The following ZYG11A variants were observed in gnomAD, a reference collection of about 807,000 sequenced individuals.
ZYG11A encodes protein zyg-11 homolog A.
Under a neutral mutation model 77.2 loss-of-function variants are expected in ZYG11A, and 62 were observed. That is an observed-to-expected ratio of 0.80 (90% CI 0.65 to 0.99). ZYG11A has a LOEUF of 0.99. Ranked by LOEUF, ZYG11A falls within the 50% of genes least tolerant of loss-of-function variation. ZYG11A has a pLI of 0.00. For missense variants in ZYG11A, 828 were observed against 896.8 expected (o/e 0.92, Z 0.98); for synonymous variants, 315 against 324.6 (o/e 0.97, Z 0.32).
intron 8 of ZYG11A, among the ~76,000 whole-genome samples, chr1:52,874,364 C>T (rs1646225282): frequency 6.6e-6 from 1 of 152,148 alleles, no homozygotes; most frequent in Admixed American, 6.5e-5. Context: ...CCTGCCTCAG[C>T]CTCCTGAGTG....
chr1:52,852,841 C>A (rs1050274450), intron 1 of ZYG11A, among the ~76,000 whole-genome samples: 1 of 152,070 alleles, frequency 6.6e-6, no homozygotes, highest in Non-Finnish European at 1.5e-5. Context: ...AGCCTACAGT[C>A]GAGGAAAATC....
intron 3 of ZYG11A, among the ~76,000 whole-genome samples, chr1:52,859,266 C>T (rs1034391911): frequency 2.0e-5 from 3 of 151,970 alleles, no homozygotes; most frequent in African/African-American, 7.3e-5. Context: ...TCTCTTCCCC[C>T]CTTGGATAAA....
At chr1:52,846,363 TA>T (rs1645584648) in intron 1 of ZYG11A, among the ~76,000 whole-genome samples, 4 of 121,426 alleles carry the variant, frequency 3.3e-5, no homozygotes, top group Admixed American at 8.9e-5. Context: ...TATATATATA[TA>T]TATTTTGAAA....
At position 52,857,506 on chromosome 1, in the gene ZYG11A, T is replaced by G; in HGVS notation, c.765T>G (p.Leu255=). The change falls in exon 3 of 14, where the codon CTT becomes CTG. Residue 255 remains leucine, a synonymous_variant. Transcript: ENST00000371528. ...KSQILAVIRE[L]KCLLHLDISD... is the part of the protein sequence containing the mutation. ...AAATTCTTGCAGTCATTAGAGAACT[T>G]AAATGTCTGCTTCACCTTGATATTT... is the stretch of plus-strand genomic sequence containing the variant. 6.4e-7 allele frequency: 1 copy of G among 1,552,206 alleles called. No individual in the cohort carries two copies. Among genetic ancestry groups the G allele is most frequent in the Non-Finnish European group, 8.7e-7 (1 of 1,147,102 alleles).
intron 3 of ZYG11A, 143 bp downstream of exon 3, chr1:52,857,892 T>C (rs143602347): frequency 1.0e-5 from 6 of 594,662 alleles, no homozygotes; most frequent in Non-Finnish European, 1.7e-5. Context: ...AATTAATGAT[T>C]ATTATGTACC....
intron 11 of ZYG11A, among the ~76,000 whole-genome samples, chr1:52,884,389 G>A (rs541416328): frequency 6.6e-6 from 1 of 152,068 alleles, no homozygotes; most frequent in Admixed American, 6.5e-5. Context: ...CCAGCTACTC[G>A]GGAGGCTGAG....
At chr1:52,846,934 G>A (rs1645597965) in intron 1 of ZYG11A, among the ~76,000 whole-genome samples, 1 of 149,980 alleles carries the variant, frequency 6.7e-6, no homozygotes, top group African/African-American at 2.5e-5. Context: ...TGCAAGCTCC[G>A]CCTCCCGGGT....
At chr1:52,871,335 T>A (rs1334584571) in intron 8 of ZYG11A, among the ~76,000 whole-genome samples, 2 of 152,086 alleles carry the variant, frequency 1.3e-5, no homozygotes, top group Non-Finnish European at 2.9e-5. Context: ...TTCTTTGGAA[T>A]TTTTTTGAGA....
At chr1:52,877,565 AGTGGCAGAACTT>A (rs1319235935) in intron 8 of ZYG11A, 105 bp from the exon 9 acceptor site, 8 of 719,906 alleles carry the variant, frequency 1.1e-5, no homozygotes, top group Non-Finnish European at 1.8e-5. Flanking sequence ...ACAGCTACTA[AGTGGCAGAACTT>A]GGGTTTAGAA....
chr1:52,890,408 G>C (rs1646525375), intron 13 of ZYG11A, among the ~76,000 whole-genome samples: 1 of 150,198 alleles, frequency 6.7e-6, no homozygotes. Context: ...CTAATTTTTT[G>C]TGTATTTTTA....
chr1:52,847,441 C>T (rs944649086), intron 1 of ZYG11A, among the ~76,000 whole-genome samples: 22 of 151,744 alleles, frequency 1.4e-4, no homozygotes, highest in Middle Eastern at 3.4e-3. Context: ...CTCAGGTGAT[C>T]GGCCCGCCTT....
At position 52,867,694 on chromosome 1, in the gene ZYG11A, A is replaced by G. The variant is rs763495342; in HGVS notation, c.1492-33A>G. ...TCTCTCTAGTTTTTATACAGGTTCC[A>G]TAGTTCACTTGAGCCTTTCTGTTTG... On this transcript the variant is annotated intron_variant, in intron 7 of 13. Coordinates refer to ENST00000371528, the MANE Select transcript of ZYG11A (RefSeq NM_001004339.3). 561 of 1,551,322 alleles carry G rather than the reference A, an allele frequency of 3.6e-4. 3 individuals carry two copies. The highest frequency in any genetic ancestry group is 2.6e-5 in the Non-Finnish European group (30 of 1,146,686).
intron 8 of ZYG11A, among the ~76,000 whole-genome samples, chr1:52,871,479 T>C (rs1353937148): frequency 6.6e-6 from 1 of 152,012 alleles, no homozygotes; most frequent in Non-Finnish European, 1.5e-5. Context: ...TTTGCATGTC[T>C]GTCTACTCAC....
chr1:52,882,068 T>G lies in ZYG11A; in HGVS notation c.1944+403T>G, dbSNP rs188152260. Among the ~76,000 whole-genome samples the G allele has an allele frequency of 5.2e-3, 794 of 152,268 alleles. 8 individuals carry two copies. Among genetic ancestry groups the G allele is most frequent in the African/African-American group, 0.019 (773 of 41,552 alleles). ...TGCCACCACACCCAGCTAATTTTTG[T>G]ATTTTTTGTAGATGGGGTTTTGCCA... On this transcript the variant is annotated intron_variant, in intron 11 of 13. Transcript: ENST00000371528.
intron 2 of ZYG11A, among the ~76,000 whole-genome samples, chr1:52,855,564 T>C (rs564112442): frequency 6.6e-6 from 1 of 152,282 alleles, no homozygotes; most frequent in South Asian, 2.1e-4. Context: ...TTTATTTCCC[T>C]TTTCCCGCAT....
intron 10 of ZYG11A, among the ~76,000 whole-genome samples, chr1:52,880,750 G>A (rs1209441108): frequency 6.6e-6 from 1 of 152,140 alleles, no homozygotes; most frequent in Non-Finnish European, 1.5e-5. Flanking sequence ...GAATCACTCA[G>A]TCCTGCAGCC....
intron 8 of ZYG11A, among the ~76,000 whole-genome samples, chr1:52,868,886 C>T (rs545983210): frequency 9.2e-5 from 14 of 152,072 alleles, no homozygotes; most frequent in Admixed American, 2.6e-4. Flanking sequence ...CTCATGCTAG[C>T]GTGCAATGGT....
intron 8 of ZYG11A, among the ~76,000 whole-genome samples, chr1:52,869,953 G>GC (rs1246697792): frequency 2.8e-5 from 4 of 143,546 alleles, no homozygotes; most frequent in Non-Finnish European, 4.6e-5. Context: ...GGCTGGCCGG[G>GC]CGGGGGGCTG....
intron 8 of ZYG11A, among the ~76,000 whole-genome samples, chr1:52,873,348 A>G (rs75798540): frequency 0.052 from 7,855 of 152,228 alleles, 297 homozygotes; most frequent in African/African-American, 0.11. Flanking sequence ...GATTCTTGGG[A>G]GGAGGTCAAA....
Sources: allele counts gnomAD v4.1 joint callset (sites outside exome capture counted in the v4.1 genomes callset), GRCh38; gene constraint gnomAD v4.1.1; transcripts MANE v1.5; gene names NCBI Gene and HGNC (gene_info 2026-07-23, HGNC 2026-07-21).